Variants in SPRING1 observed in about 807,000 individuals in gnomAD.
SPRING1 encodes the protein SREBF pathway regulator in golgi 1.
In SPRING1, 14 loss-of-function variants were observed where a neutral mutation model predicts 24.7. The observed-to-expected ratio is 0.57, with a 90% CI of 0.37 to 0.88. The LOEUF (loss-of-function observed/expected upper bound fraction) is 0.88, where lower values mean the gene tolerates loss of function less well. Among genes scored for constraint, SPRING1 ranks in the 40% least tolerant of loss-of-function variants. The pLI is 0.00. For missense variants in SPRING1, 255 were observed against 268.4 expected (o/e 0.95, Z 0.35); for synonymous variants, 93 against 106.1 (o/e 0.88, Z 0.76).
rs934194015 is a variant in SPRING1 at position 116,720,088 on chromosome 12, T to C, written c.420+208A>G. On this transcript the variant is annotated intron_variant, in intron 3 of 4. Transcript: ENST00000261318. This position sits in a 1 kb window ranked among gnomAD's most constrained non-coding sequence, Gnocchi z 4.0. ...ATTAGATATGTGATTAGCAATACAA[T>C]GATCCATTCTGCAAAAGAACCATTC... is the stretch of plus-strand genomic sequence containing the variant. 14 of 739,102 alleles carry C rather than the reference T, an allele frequency of 1.9e-5. No individual in the cohort carries two copies. The highest frequency in any genetic ancestry group is 1.8e-4 in the South Asian group (9 of 50,644). The allele number at this position is 739,102 out of a possible 1,614,324, so 45.8% of individuals were successfully genotyped here.
At position 116,717,581 on chromosome 12, in the gene SPRING1, T is replaced by C. The variant is rs1283833934; in HGVS notation, c.*229A>G. On this transcript the variant is annotated 3_prime_UTR_variant, in exon 5 of 5. Transcript: ENST00000261318. The surrounding 1 kb of genome is among the most constrained non-coding windows in gnomAD (Gnocchi z 4.2). ...GGCCTCCGGTTTCATCTTTCCCGAA[T>C]GGGACTGGCTGGAGGGGCCAAGCTG... is the stretch of plus-strand genomic sequence containing the variant. 2.4e-6 allele frequency: 1 copy of C among 415,240 alleles called. No individual in the cohort carries two copies. The highest frequency in any genetic ancestry group is 2.1e-5 in the African/African-American group (1 of 48,174). The allele number at this position is 415,240 out of a possible 1,614,324, so 25.7% of individuals were successfully genotyped here. A position where few individuals can be genotyped will look rare whatever the true frequency, so the allele number is the denominator to read the frequency against.
intron 1 of SPRING1, among the ~76,000 whole-genome samples, chr12:116,736,988 G>A (rs977113622): frequency 6.6e-6 from 1 of 152,204 alleles, no homozygotes; most frequent in African/African-American, 2.4e-5. Flanking sequence ...TTCCCCCACT[G>A]TAATACTGGG....
Position 116,717,744 on chromosome 12 carries a change from G to C in SPRING1, c.*66C>G. Reference sequence around the variant, plus strand: ...CAGCCTGGCCCGATGGCTGAAGCTGGGTCCCAGGAGGCGAGTTCTTCAGCG... The same window carrying C: ...CAGCCTGGCCCGATGGCTGAAGCTGCGTCCCAGGAGGCGAGTTCTTCAGCG... On this transcript the variant is annotated 3_prime_UTR_variant, in exon 5 of 5. Coordinates refer to ENST00000261318, the MANE Select transcript of SPRING1 (RefSeq NM_024738.4). This position sits in a 1 kb window ranked among gnomAD's most constrained non-coding sequence, Gnocchi z 4.2. The C allele has an allele frequency of 7.2e-7, 1 of 1,380,912 alleles. No individual in the cohort carries two copies. The highest frequency in any genetic ancestry group is 1.3e-5 in the South Asian group (1 of 79,238). The allele number at this position is 1,380,912 out of a possible 1,614,324, so 85.5% of individuals were successfully genotyped here.
Position 116,713,009 on chromosome 12 carries a change from T to C in SPRING1, c.*4801A>G, listed in dbSNP as rs1454061228. The C allele has an allele frequency of 6.6e-6, 1 of 152,222 alleles. No individual in the cohort carries two copies. The highest frequency in any genetic ancestry group is 1.5e-5 in the Non-Finnish European group (1 of 68,086). 9.4% of individuals were successfully genotyped at this position (152,222 alleles called of 1,614,324 possible). Reference sequence around the variant, plus strand: ...AGCTACCAGGAGCTCCTCTGTTCAATCTAACGGGGAGATATGACCCCAGAG... The same window carrying C: ...AGCTACCAGGAGCTCCTCTGTTCAACCTAACGGGGAGATATGACCCCAGAG... On this transcript the variant is annotated 3_prime_UTR_variant, in exon 5 of 5. Coordinates refer to ENST00000261318, the MANE Select transcript of SPRING1 (RefSeq NM_024738.4).
In SPRING1 at chr12:116,734,789, T is replaced by C. The variant is rs574750375; in HGVS notation, c.111+3001A>G. On this transcript the variant is annotated intron_variant, in intron 1 of 4. Transcript: ENST00000261318. ...AGGAATTGAAGTAATTTACACCGTG[T>C]CACCAGGTATGGTCTGAAGCAGTAA... Among the ~76,000 whole-genome samples, 106 of 152,360 alleles carry C rather than the reference T, an allele frequency of 7.0e-4. 1 individual carries two copies. The highest frequency in any genetic ancestry group is 1.1e-3 in the Non-Finnish European group (77 of 68,038).
At chr12:116,723,357 C>T in intron 1 of SPRING1, 134 bp from the exon 2 acceptor site, 1 of 1,046,666 alleles carries the variant, frequency 9.6e-7, no homozygotes, top group South Asian at 1.7e-5. Context: ...CTGCCCTCTC[C>T]TGGTACAAGC....
chr12:116,731,033 T>C (rs748657814), intron 1 of SPRING1, among the ~76,000 whole-genome samples: 16 of 152,226 alleles, frequency 1.1e-4, no homozygotes, highest in African/African-American at 1.7e-4. Flanking sequence ...TTGCCAAAGC[T>C]CTTCCTCAAG....
Position 116,728,182 on chromosome 12 carries a change from C to T in SPRING1, c.112-4959G>A, listed in dbSNP as rs894147728. On this transcript the variant is annotated intron_variant, in intron 1 of 4. Coordinates refer to ENST00000261318, the MANE Select transcript of SPRING1 (RefSeq NM_024738.4). The surrounding 1 kb of genome is among the most constrained non-coding windows in gnomAD (Gnocchi z 4.2). ...AACTTGTTTAATCTCAGGTCAAATG[C>T]CTCGCATAGTTAGGCCCGCCCTGCC... is the stretch of plus-strand genomic sequence containing the variant. Among the ~76,000 whole-genome samples the T allele has an allele frequency of 1.3e-5, 2 of 152,182 alleles. No homozygotes were observed. Among genetic ancestry groups the T allele is most frequent in the African/African-American group, 2.4e-5 (1 of 41,448 alleles).
At chr12:116,734,097 G>A (rs1175017580) in intron 1 of SPRING1, among the ~76,000 whole-genome samples, 3 of 152,180 alleles carry the variant, frequency 2.0e-5, no homozygotes, top group Admixed American at 1.3e-4. Context: ...GGCTGGTCTC[G>A]AACTCCTGAC....
Position 116,728,849 on chromosome 12 carries a change from G to A in SPRING1, c.112-5626C>T, listed in dbSNP as rs928323279. Among the ~76,000 whole-genome samples the A allele has an allele frequency of 6.6e-6, 1 of 152,218 alleles. No homozygotes were observed. Among genetic ancestry groups the A allele is most frequent in the Admixed American group, 6.5e-5 (1 of 15,278 alleles). On this transcript the variant is annotated intron_variant, in intron 1 of 4. Coordinates refer to ENST00000261318, the MANE Select transcript of SPRING1 (RefSeq NM_024738.4). The surrounding 1 kb of genome is among the most constrained non-coding windows in gnomAD (Gnocchi z 4.2). ...GGGACGGCCAAGTCAGACGCATGCA[G>A]GAGCGCCTCTGCCAGAGCACCCAGG... is the stretch of plus-strand genomic sequence containing the variant.
chr12:116,730,597 T>C (rs1399267170), intron 1 of SPRING1, among the ~76,000 whole-genome samples: 1 of 152,220 alleles, frequency 6.6e-6, no homozygotes, highest in Non-Finnish European at 1.5e-5. Flanking sequence ...AAAAACCCAG[T>C]TCCTTCAGCA....
intron 1 of SPRING1, among the ~76,000 whole-genome samples, chr12:116,725,739 A>T (rs140184638): frequency 0.022 from 3,389 of 152,202 alleles, 154 homozygotes; most frequent in East Asian, 0.17. Flanking sequence ...CAAAAAAATT[A>T]GCTGGGCGTG....
At chr12:116,736,097 C>A (rs1211652682) in intron 1 of SPRING1, among the ~76,000 whole-genome samples, 57 of 56,416 alleles carry the variant, frequency 1.0e-3, no homozygotes, top group East Asian at 2.1e-3. Flanking sequence ...TATTTTACCA[C>A]AATAAAAAAA....
Position 116,719,775 on chromosome 12 carries a change from C to A in SPRING1, c.522G>T (p.Arg174Ser). 6.2e-7 allele frequency: 1 copy of A among 1,614,048 alleles called. No individual in the cohort carries two copies. The highest frequency in any genetic ancestry group is 8.5e-7 in the Non-Finnish European group (1 of 1,179,924). Residue 174 changes from arginine (R) to serine (S), a missense_variant, in exon 4 of 5, where the codon AGG (arginine) becomes AGT (serine). Transcript: ENST00000261318. ...DHFELCLAKC[R>S]TSSQSVQHEN... ...CACAGCTTCTGACCTGAGATGAGGTCCTGCATTTGGCCAGGCACAACTCAA... is the reference window on the plus strand; with the variant it reads ...CACAGCTTCTGACCTGAGATGAGGTACTGCATTTGGCCAGGCACAACTCAA...
chr12:116,726,373 T>C (rs1870689639), intron 1 of SPRING1, among the ~76,000 whole-genome samples: 2 of 152,222 alleles, frequency 1.3e-5, no homozygotes, highest in African/African-American at 4.8e-5. Context: ...AATAACAGTG[T>C]TTACAATTTG....
chr12:116,723,068 G>T lies in SPRING1; in HGVS notation c.267C>A (p.Leu89=), dbSNP rs118149811. 0.013 allele frequency: 20,583 copies of T among 1,612,338 alleles called. 179 individuals carry two copies. The highest frequency in any genetic ancestry group is 0.016 in the Middle Eastern group (74 of 4,504). ...GAGAGGAAGGGAAGCCAGCCTCACC[G>T]AGTTCATCCGTGATGAGGTGCTTCC... The part of the protein sequence containing the change: ...IQGKHLITDE[L]GYVCERKDLL... The change falls in exon 2 of 5, where the codon CTC becomes CTA. Residue 89 remains leucine (L), a splice_region_variant and synonymous_variant. Coordinates refer to ENST00000261318, the MANE Select transcript of SPRING1 (RefSeq NM_024738.4).
intron 1 of SPRING1, among the ~76,000 whole-genome samples, chr12:116,724,490 G>A (rs1217305767): frequency 1.3e-5 from 2 of 152,166 alleles, no homozygotes; most frequent in Admixed American, 6.5e-5. Context: ...GCCGAGGCTG[G>A]TGGATCACCT....
In SPRING1 at chr12:116,737,869, C is replaced by T; in HGVS notation, c.32G>A (p.Arg11Gln). The T allele has an allele frequency of 1.3e-6, 2 of 1,576,068 alleles. No homozygotes were observed. Among genetic ancestry groups the T allele is most frequent in the Non-Finnish European group, 8.6e-7 (1 of 1,162,572 alleles). Residue 11 changes from arginine (R) to glutamine (Q), a missense_variant, in exon 1 of 5, where the codon CGG (arginine) becomes CAG (glutamine). Transcript: ENST00000261318. Reference protein sequence around the residue: MVNLAAMVWRRLLRKRWVLAL... With the variant: MVNLAAMVWRQLLRKRWVLAL... ...GAGCACCCACCTCTTCCGCAGAAGC[C>T]GGCGCCACACCATGGCCGCCAGGTT...
chr12:116,722,202 G>A (rs1400517298), intron 2 of SPRING1, among the ~76,000 whole-genome samples: 2 of 152,060 alleles, frequency 1.3e-5, no homozygotes, highest in East Asian at 3.8e-4. Context: ...CATACTCATG[G>A]AGAAAAATAA....
Sources: allele counts gnomAD v4.1 joint callset (sites outside exome capture counted in the v4.1 genomes callset), GRCh38; gene constraint gnomAD v4.1.1; non-coding constraint Gnocchi (gnomAD v3.1); transcripts MANE v1.5; gene names NCBI Gene and HGNC (gene_info 2026-07-23, HGNC 2026-07-21).